GLT6D1: variants seen among roughly 807,000 people sequenced by gnomAD.
GLT6D1 encodes the protein glycosyltransferase 6 domain containing 1.
A neutral mutation model predicts 12.3 loss-of-function variants in GLT6D1; 9 were observed. That is an observed-to-expected ratio of 0.73 (90% CI 0.44 to 1.27). The LOEUF (loss-of-function observed/expected upper bound fraction) is 1.27, where lower values mean the gene tolerates loss of function less well. Ranked by LOEUF, GLT6D1 falls within the 50% of genes most tolerant of loss-of-function variation. The pLI, the probability that GLT6D1 is intolerant of heterozygous loss-of-function variation, is 0.00. For synonymous variants in GLT6D1, 128 were observed against 132.3 expected (o/e 0.97, Z 0.23); for missense variants, 335 against 346.2 (o/e 0.97, Z 0.26).
chr9:135,633,977 T>C (rs1937679682), intron 2 of GLT6D1, among the ~76,000 whole-genome samples: 1 of 152,214 alleles, frequency 6.6e-6, no homozygotes, highest in Non-Finnish European at 1.5e-5. Flanking sequence ...TATGGGTCCC[T>C]GTCCCCTTTC....
chr9:135,633,925 T>C (rs1275295175), intron 2 of GLT6D1, among the ~76,000 whole-genome samples: 1 of 152,240 alleles, frequency 6.6e-6, no homozygotes, highest in Non-Finnish European at 1.5e-5. Flanking sequence ...CCCCTGGCTG[T>C]GGTTCCGGGG....
intron 3 of GLT6D1, among the ~76,000 whole-genome samples, chr9:135,627,254 T>C (rs1833544319): frequency 6.6e-6 from 1 of 151,906 alleles, no homozygotes; most frequent in African/African-American, 2.4e-5. Flanking sequence ...AAAACCAATA[T>C]CTCCTAGAAC....
chr9:135,640,505 G>T (rs746581065), upstream of GLT6D1, among the ~76,000 whole-genome samples: 11 of 152,034 alleles, frequency 7.2e-5, no homozygotes, highest in Non-Finnish European at 1.2e-4. Context: ...AGGATCACGA[G>T]GTCAGGAGTT....
rs61739510 is a variant in GLT6D1, at chr9:135,624,282, C to T, written c.646G>A (p.Ala216Thr). Residue 216 changes from alanine to threonine, a missense_variant, in exon 5 of 5, where the codon GCT (alanine) becomes ACT (threonine). By Grantham distance (58) the Ala-to-Thr change is moderately conservative. Transcript: ENST00000371763. ...TCTCCCTGTCCAAACGGGATGCAAG[C>T]TGCTGAGGTCGGCCTCCTCTCATAA... ...FPYERRPTSA[A>T]CIPFGQGDFY... The T allele has an allele frequency of 0.065, 104,174 of 1,602,892 alleles. 3,732 individuals carry two copies. The highest frequency in any genetic ancestry group is 0.07 in the Non-Finnish European group (82,352 of 1,174,490).
In GLT6D1 at chr9:135,624,192, A is replaced by G. The variant is rs766622614; in HGVS notation, c.736T>C (p.Tyr246His). Reference protein sequence around the residue: ...PHNILDFIKEYLNGVIHDIKN... With the variant: ...PHNILDFIKEHLNGVIHDIKN... ...ATGTCATGAATAACTCCGTTCAGAT[A>G]TTCTTTGATGAAGTCTAAAATATTA... Residue 246 changes from tyrosine (Y) to histidine (H), a missense_variant, in exon 5 of 5, where the codon TAT becomes CAT. Transcript: ENST00000371763. 3.7e-6 allele frequency: 6 copies of G among 1,612,518 alleles called. No individual in the cohort carries two copies. The South Asian group carries it at 6.6e-5, about 18-fold the overall frequency.
intron 2 of GLT6D1, among the ~76,000 whole-genome samples, chr9:135,636,451 T>G (rs937019673): frequency 1.3e-5 from 2 of 152,186 alleles, no homozygotes; most frequent in Non-Finnish European, 2.9e-5. Context: ...TTCTGTACAT[T>G]TGGGATATAG....
At chr9:135,631,549 G>T in intron 2 of GLT6D1, 71 bp from the exon 3 acceptor site, 2 of 1,195,166 alleles carry the variant, frequency 1.7e-6, no homozygotes, top group Non-Finnish European at 2.5e-6. Flanking sequence ...TGATAGGCAG[G>T]CCCCGTTTGG....
chr9:135,639,191 C>T lies in GLT6D1; in HGVS notation c.-4G>A. 1 of 1,541,326 alleles carries T rather than the reference C, an allele frequency of 6.5e-7. No homozygotes were observed. The highest frequency in any genetic ancestry group is 1.7e-5 in the Admixed American group (1 of 57,764). On this transcript the variant is annotated splice_region_variant and 5_prime_UTR_variant, in exon 2 of 5. Transcript: ENST00000371763. ...ACAGCATTCTTTTAGAATTCATTCT[C>T]TCCTAGGGAAAGAAGGAGAAAAAAT...
At chr9:135,626,450 G>A (rs535019138) in intron 3 of GLT6D1, among the ~76,000 whole-genome samples, 9 of 152,302 alleles carry the variant, frequency 5.9e-5, no homozygotes, top group Non-Finnish European at 1.0e-4. Flanking sequence ...CAGTTAACAC[G>A]TGGGGATGCC....
chr9:135,631,297 GC>G lies in GLT6D1; in HGVS notation c.119+133del, dbSNP rs572037704. On this transcript the variant is annotated intron_variant, in intron 3 of 4. Coordinates refer to ENST00000371763, the MANE Select transcript of GLT6D1 (RefSeq NM_182974.3). ...AACAGACCCTGGTTTGTTTATAAGA[GC>G]CTCGAAAATAAAACTCCAATTCTGG... 1.1e-3 allele frequency: 821 copies of G among 729,504 alleles called. 2 individuals are homozygous for G. The highest frequency in any genetic ancestry group is 1.6e-3 in the Non-Finnish European group (659 of 403,794). 45.2% of individuals were successfully genotyped at this position (729,504 alleles called of 1,614,324 possible).
intron 3 of GLT6D1, among the ~76,000 whole-genome samples, chr9:135,630,519 A>G (rs1833618632): frequency 6.6e-6 from 1 of 152,060 alleles, no homozygotes; most frequent in African/African-American, 2.4e-5. Context: ...CAGGAGTTCA[A>G]GACCAGCCTG....
rs199994242 is a variant in GLT6D1, at chr9:135,624,382, G to A, written c.546C>T (p.Phe182=). The A allele has an allele frequency of 7.1e-5, 114 of 1,614,142 alleles. No individual in the cohort carries two copies. In the East Asian group the frequency reaches 1.8e-3, roughly 25 times the overall value. ...MAANQVFQNE[F]GVETLGPLVA... is the part of the protein sequence containing the mutation. ...CCAACGGGCCCAGGGTCTCCACCCC[G>A]AACTCATTCTGGAAGACCTGGTTGG... is the stretch of plus-strand genomic sequence containing the variant. The change falls in exon 5 of 5, where the codon TTC becomes TTT. Residue 182 remains phenylalanine, a synonymous_variant. Transcript: ENST00000371763.
chr9:135,635,495 G>T (rs777740839), intron 2 of GLT6D1, among the ~76,000 whole-genome samples: 1 of 151,034 alleles, frequency 6.6e-6, no homozygotes, highest in African/African-American at 2.4e-5. Context: ...AGAAACTAAG[G>T]TCTGCTGCTT....
chr9:135,627,380 G>A (rs921947907), intron 3 of GLT6D1, among the ~76,000 whole-genome samples: 1 of 152,132 alleles, frequency 6.6e-6, no homozygotes, highest in East Asian at 1.9e-4. Context: ...GCTATTTACA[G>A]TTTCTCCAAA....
chr9:135,638,692 A>G (rs1182291844), intron 2 of GLT6D1, among the ~76,000 whole-genome samples: 1 of 152,214 alleles, frequency 6.6e-6, no homozygotes, highest in East Asian at 1.9e-4. Context: ...CCTAGAAGGC[A>G]CTCTGTAAAT....
At chr9:135,639,245 T>C in intron 1 of GLT6D1, 48 bp downstream of exon 1, 1 of 1,029,178 alleles carries the variant, frequency 9.7e-7, no homozygotes, top group South Asian at 1.4e-5. Flanking sequence ...AAATGACATA[T>C]TTGTCATCAT....
In GLT6D1 at chr9:135,631,492, G is replaced by C. The variant is rs1317930282; in HGVS notation, c.72-14C>G. The C allele has an allele frequency of 1.4e-5, 23 of 1,592,746 alleles. No homozygotes were observed. Among genetic ancestry groups the C allele is most frequent in the Non-Finnish European group, 2.0e-5 (23 of 1,160,730 alleles). On this transcript the variant is annotated splice_polypyrimidine_tract_variant and intron_variant, in intron 2 of 4. Coordinates refer to ENST00000371763, the MANE Select transcript of GLT6D1 (RefSeq NM_182974.3). ...ACTTGGTGATTCCTGGATACAAAGA[G>C]AAAATCAAGTGATTGCAAGGAGCCT... is the stretch of plus-strand genomic sequence containing the variant.
rs1216864619 is a variant in GLT6D1, at chr9:135,626,086, G to A, written c.240C>T (p.Ala80=). ...GCACCTACCTGCCAGTAGCAAAGAC[G>A]GCCAGGCCCACAGTGATATTCCGCC... ...YRRRNITVGL[A]VFATGRFAEE... is the part of the protein sequence containing the mutation. The change falls in exon 4 of 5, where the codon GCC becomes GCT. Residue 80 remains alanine (A), a synonymous_variant. Transcript: ENST00000371763. 10 of 1,613,904 alleles carry A rather than the reference G, an allele frequency of 6.2e-6. No homozygotes were observed. The Admixed American group carries it at 6.7e-5, about 11-fold the overall frequency.
At chr9:135,635,481 T>G (rs1833751057) in intron 2 of GLT6D1, among the ~76,000 whole-genome samples, 1 of 152,112 alleles carries the variant, frequency 6.6e-6, no homozygotes, top group Non-Finnish European at 1.5e-5. Flanking sequence ...TGGAGAATGG[T>G]GCTAGAAACT....
Sources: allele counts gnomAD v4.1 joint callset (sites outside exome capture counted in the v4.1 genomes callset), GRCh38; gene constraint gnomAD v4.1.1; transcripts MANE v1.5; gene names NCBI Gene and HGNC (gene_info 2026-07-23, HGNC 2026-07-21).